Variants in HSPA4 observed in about 807,000 individuals in gnomAD.
HSPA4 encodes heat shock protein family A (Hsp70) member 4.
HSPA4 carries 25 observed loss-of-function variants against 106.2 expected under a neutral mutation model. The observed-to-expected ratio is 0.24, with a 90% CI of 0.17 to 0.33. The LOEUF is 0.33. Ranked by LOEUF, HSPA4 falls within the 10% of genes least tolerant of loss-of-function variation. The pLI is 1.00. For missense variants in HSPA4, 841 were observed against 996.0 expected, an observed-to-expected ratio of 0.84 and a Z score of 2.10; for synonymous variants, 332 against 333.6, an observed-to-expected ratio of 1.00 and a Z score of 0.05.
chr5:133,085,685 C>T (rs1765570480), intron 7 of HSPA4, among the ~76,000 whole-genome samples: 1 of 151,140 alleles, frequency 6.6e-6, no homozygotes, highest in Non-Finnish European at 1.5e-5. Context: ...CGCCCCCGCC[C>T]CCCAAAAAAA....
At chr5:133,086,084 A>G (rs1483128689) in intron 7 of HSPA4, among the ~76,000 whole-genome samples, 1 of 152,132 alleles carries the variant, frequency 6.6e-6, no homozygotes, top group Non-Finnish European at 1.5e-5. Flanking sequence ...ATGCCTGTAG[A>G]CCCAGCTACT....
At chr5:133,095,108 G>C (rs1024115083) in intron 13 of HSPA4, among the ~76,000 whole-genome samples, 1 of 152,010 alleles carries the variant, frequency 6.6e-6, no homozygotes, top group Non-Finnish European at 1.5e-5. Flanking sequence ...TCAGGAGTTC[G>C]AGACCAGCCT....
Position 133,089,720 on chromosome 5 carries a change from A to G in HSPA4, c.1378+25A>G, listed in dbSNP as rs550347943. On this transcript the variant is annotated intron_variant, in intron 11 of 18. Transcript: ENST00000304858. ...GGTAAGTAAAGAGTTGGAAATTAAA[A>G]AAGAAAAAAAAAAAAAAGCACAGTG... 52 of 1,490,476 alleles carry G rather than the reference A, an allele frequency of 3.5e-5. No homozygotes were observed. The African/African-American group carries it at 6.8e-4, about 20-fold the overall frequency. 92.3% of individuals were successfully genotyped at this position (1,490,476 alleles called of 1,614,324 possible). A position where few individuals can be genotyped will look rare whatever the true frequency, so the allele number is the denominator to read the frequency against.
intron 12 of HSPA4, 67 bp downstream of exon 12, chr5:133,091,441 A>T: frequency 7.8e-7 from 1 of 1,278,396 alleles, no homozygotes; most frequent in Non-Finnish European, 1.1e-6. Flanking sequence ...TGTAGCAAGC[A>T]GACTTGGTGG....
rs773740908 is a variant in HSPA4, at chr5:133,086,891, A to T, written c.985+33A>T. On this transcript the variant is annotated intron_variant, in intron 8 of 18. Coordinates refer to ENST00000304858, the MANE Select transcript of HSPA4 (RefSeq NM_002154.4). ...TTTTTGTGATTGAATTTGTTTGCGT[A>T]TCTCAGACTGTTTGGAAATTGTTAT... 2.8e-6 allele frequency: 4 copies of T among 1,442,788 alleles called. No individual in the cohort carries two copies. In the South Asian group the frequency reaches 4.6e-5, roughly 17 times the overall value. The allele number at this position is 1,442,788 out of a possible 1,614,324, so 89.4% of individuals were successfully genotyped here.
rs746357245 is a variant in HSPA4 at position 133,073,252 on chromosome 5, C to T, written c.452C>T (p.Ala151Val). ...VVSVPCFYTDAERRSVMDATQ... is the reference protein window; with the variant it reads ...VVSVPCFYTDVERRSVMDATQ... ...TAGGTTCCTTGTTTCTATACTGATG[C>T]AGAAAGACGATCAGTGATGGATGCA... is the stretch of plus-strand genomic sequence containing the variant. The change falls in exon 5 of 19, where the codon GCA becomes GTA. Residue 151 changes from alanine to valine, a missense_variant. Around this residue, in one of 5 missense-constraint regions of HSPA4, gnomAD observed 347 missense variants for 408.7 expected, o/e 0.85. Transcript: ENST00000304858. 3.7e-6 allele frequency: 6 copies of T among 1,604,622 alleles called. No individual in the cohort carries two copies. The highest frequency in any genetic ancestry group is 1.1e-5 in the South Asian group (1 of 89,788).
intron 7 of HSPA4, among the ~76,000 whole-genome samples, chr5:133,085,851 C>T (rs1184947907): frequency 6.6e-6 from 1 of 152,138 alleles, no homozygotes; most frequent in African/African-American, 2.4e-5. Flanking sequence ...GTGGTGAATA[C>T]TTACACATTG....
chr5:133,061,397 C>G (rs1010540065), intron 1 of HSPA4, among the ~76,000 whole-genome samples: 8 of 151,274 alleles, frequency 5.3e-5, no homozygotes, highest in Non-Finnish European at 1.0e-4. Context: ...GCTGGGATTA[C>G]AGGTGTGAGC....
chr5:133,075,355 G>A (rs1434147389), intron 6 of HSPA4, among the ~76,000 whole-genome samples: 1 of 152,196 alleles, frequency 6.6e-6, no homozygotes, highest in African/African-American at 2.4e-5. Flanking sequence ...TCAGAACGAT[G>A]TGTATTAGTA....
chr5:133,060,273 T>G (rs1481312365), intron 1 of HSPA4, among the ~76,000 whole-genome samples: 1 of 152,162 alleles, frequency 6.6e-6, no homozygotes, highest in Non-Finnish European at 1.5e-5. Flanking sequence ...AGCGCTAATA[T>G]TCAAGTTAAT....
At chr5:133,095,179 G>A (rs975626929) in intron 13 of HSPA4, among the ~76,000 whole-genome samples, 1 of 152,126 alleles carries the variant, frequency 6.6e-6, no homozygotes, top group Admixed American at 6.5e-5. Flanking sequence ...GCAGGAGCCT[G>A]TAATCCCAGC....
chr5:133,066,060 G>T (rs983714953), intron 2 of HSPA4, among the ~76,000 whole-genome samples: 1 of 152,174 alleles, frequency 6.6e-6, no homozygotes, highest in Non-Finnish European at 1.5e-5. Flanking sequence ...GAGACAGCAG[G>T]TAGAAAATAT....
chr5:133,066,639 A>G (rs1170163828), intron 2 of HSPA4, among the ~76,000 whole-genome samples: 3 of 150,848 alleles, frequency 2.0e-5, no homozygotes, highest in Non-Finnish European at 4.4e-5. Context: ...TACTCTCCCA[A>G]TATCCTTTTG....
At chr5:133,079,693 C>T (rs1765490445) in intron 7 of HSPA4, among the ~76,000 whole-genome samples, 1 of 152,172 alleles carries the variant, frequency 6.6e-6, no homozygotes, top group Non-Finnish European at 1.5e-5. Flanking sequence ...TGAGGAATCT[C>T]CAAACTATAT....
chr5:133,080,300 G>A (rs746976416), intron 7 of HSPA4, among the ~76,000 whole-genome samples: 5 of 150,780 alleles, frequency 3.3e-5, no homozygotes, highest in South Asian at 2.1e-4. Flanking sequence ...TTGTAGTACC[G>A]GCTACTCGGG....
intron 1 of HSPA4, among the ~76,000 whole-genome samples, chr5:133,053,318 G>A (rs1024895148): frequency 6.8e-6 from 1 of 146,790 alleles, no homozygotes; most frequent in Non-Finnish European, 1.5e-5. Flanking sequence ...TGCCATTCAG[G>A]GTCTCTCTTC....
intron 18 of HSPA4, 51 bp from the exon 19 acceptor site, chr5:133,104,182 T>TAA: frequency 6.3e-7 from 1 of 1,578,078 alleles, no homozygotes; most frequent in Non-Finnish European, 8.7e-7. Context: ...GCATGGCTTG[T>TAA]AAAATTTGTT....
intron 8 of HSPA4, among the ~76,000 whole-genome samples, chr5:133,087,623 ATTTTAT>A (rs1471192571): frequency 2.6e-5 from 4 of 151,950 alleles, no homozygotes; most frequent in South Asian, 2.1e-4. Flanking sequence ...TTTATTTTTT[ATTTTAT>A]TTTTATTTTT....
intron 7 of HSPA4, among the ~76,000 whole-genome samples, chr5:133,077,516 G>A (rs1252246992): frequency 6.6e-6 from 1 of 152,184 alleles, no homozygotes; most frequent in African/African-American, 2.4e-5. Flanking sequence ...AGGATTACAG[G>A]TGTGAGCCAC....
Sources: gnomAD v4.1 joint callset for allele counts (sites outside exome capture counted in the v4.1 genomes callset) on GRCh38, gnomAD v4.1.1 for gene constraint, gnomAD v4.1.1 regional missense constraint, MANE v1.5 for transcripts, NCBI Gene and HGNC (gene_info 2026-07-23, HGNC 2026-07-21) for gene names.